Variants in FILIP1 observed in about 807,000 individuals in gnomAD.
FILIP1 encodes the protein filamin-A-interacting protein 1.
In FILIP1, 61 loss-of-function variants were observed where a neutral mutation model predicts 102.1. The observed-to-expected ratio is 0.60, with a 90% CI of 0.49 to 0.74. The LOEUF (loss-of-function observed/expected upper bound fraction) is 0.74, where lower values mean the gene tolerates loss of function less well. FILIP1 is among the 30% of genes least tolerant of loss of function. The pLI is 0.00. For missense variants in FILIP1, 1,314 were observed against 1,441.2 expected (o/e 0.91, Z 1.43); for synonymous variants, 491 against 526.9 (o/e 0.93, Z 0.93).
intron 2 of FILIP1, among the ~76,000 whole-genome samples, chr6:75,373,190 C>A (rs1258629791): frequency 6.6e-6 from 1 of 152,118 alleles, no homozygotes; most frequent in Non-Finnish European, 1.5e-5. Flanking sequence ...TACAAAAGGA[C>A]AAATGCTGTA....
chr6:75,424,515 T>G (rs1777570545), intron 1 of FILIP1, among the ~76,000 whole-genome samples: 2 of 152,134 alleles, frequency 1.3e-5, no homozygotes, highest in Admixed American at 6.6e-5. Flanking sequence ...ATTGGAAAAG[T>G]CATTAAGACT....
At chr6:75,387,298 G>T (rs1776133175) in intron 2 of FILIP1, among the ~76,000 whole-genome samples, 1 of 151,836 alleles carries the variant, frequency 6.6e-6, no homozygotes, top group Non-Finnish European at 1.5e-5. Flanking sequence ...TTCAAAGTTT[G>T]CTATTTTTTT....
At position 75,318,892 on chromosome 6, in the gene FILIP1, C is replaced by CA. The variant is rs372504070; in HGVS notation, c.630-3691dup. 1.3e-3 allele frequency among the ~76,000 whole-genome samples: 187 copies of CA among 143,310 alleles called. 1 individual carries two copies. Among genetic ancestry groups the CA allele is most frequent in the South Asian group, 9.5e-3 (43 of 4,514 alleles). 94.0% of individuals were successfully genotyped at this position (143,310 alleles called of 152,430 possible). On this transcript the variant is annotated intron_variant, in intron 4 of 5. Transcript: ENST00000237172. Reference sequence around the variant, plus strand: ...CACACTCTGTAGAGTGTTAACTATACAAAAAAAAAAGACACTGTACAGTTT... The same window carrying CA: ...CACACTCTGTAGAGTGTTAACTATACAAAAAAAAAAAGACACTGTACAGTTT...
intron 2 of FILIP1, among the ~76,000 whole-genome samples, chr6:75,397,021 G>T (rs1003435615): frequency 8.2e-6 from 1 of 122,430 alleles, no homozygotes; most frequent in African/African-American, 3.0e-5. Flanking sequence ...ATTGTGGGGT[G>T]GGGGGAGGGG....
At chr6:75,457,834 A>G (rs1400951875) in intron 1 of FILIP1, among the ~76,000 whole-genome samples, 1 of 152,104 alleles carries the variant, frequency 6.6e-6, no homozygotes, top group African/African-American at 2.4e-5. Context: ...AATCTGATCT[A>G]ATGGAAGTCT....
chr6:75,385,278 A>G (rs978800712), intron 2 of FILIP1, among the ~76,000 whole-genome samples: 3 of 152,166 alleles, frequency 2.0e-5, no homozygotes, highest in African/African-American at 7.2e-5. Context: ...TCACATAGGA[A>G]TTAATTCATA....
At position 75,346,216 on chromosome 6, in the gene FILIP1, T is replaced by C. The variant is rs1483631944; in HGVS notation, c.629+7323A>G. Among the ~76,000 whole-genome samples, 3 of 152,130 alleles carry C rather than the reference T, an allele frequency of 2.0e-5. No individual in the cohort carries two copies. In the East Asian group the frequency reaches 5.8e-4, roughly 29 times the overall value. On this transcript the variant is annotated intron_variant, in intron 4 of 5. Coordinates refer to ENST00000237172, the MANE Select transcript of FILIP1 (RefSeq NM_015687.5). ...TTAAATTTTTTAAAAGAAAGGAAAA[T>C]GTGTTTGAGAAATATCTTCTATAGC... is the stretch of plus-strand genomic sequence containing the variant.
At chr6:75,424,438 T>C (rs1777569389) in intron 1 of FILIP1, among the ~76,000 whole-genome samples, 1 of 152,202 alleles carries the variant, frequency 6.6e-6, no homozygotes, top group Admixed American at 6.5e-5. Context: ...TACTCCTCAA[T>C]ACTTGAGGTT....
intron 4 of FILIP1, among the ~76,000 whole-genome samples, chr6:75,320,533 C>T (rs1411183973): frequency 6.6e-6 from 1 of 152,086 alleles, no homozygotes; most frequent in Admixed American, 6.6e-5. Context: ...GCCGAGATCA[C>T]ATCACTGCAC....
intron 2 of FILIP1, among the ~76,000 whole-genome samples, chr6:75,410,787 C>A (rs1363264853): frequency 6.6e-6 from 1 of 152,142 alleles, no homozygotes; most frequent in East Asian, 1.9e-4. Context: ...TTTTCTTTAT[C>A]CAGTCTAACA....
intron 2 of FILIP1, among the ~76,000 whole-genome samples, chr6:75,369,370 T>C (rs1775443812): frequency 6.6e-6 from 1 of 152,212 alleles, no homozygotes; most frequent in Non-Finnish European, 1.5e-5. Flanking sequence ...GGTCACCCTA[T>C]GACAAACACC....
chr6:75,372,659 AAGAAAGAAAGAAAGAAAGAAAGAAAG>A (rs1775572051), intron 2 of FILIP1, among the ~76,000 whole-genome samples: 1 of 68,126 alleles, frequency 1.5e-5, no homozygotes, highest in Non-Finnish European at 2.8e-5. Context: ...GAAAGAAAGA[AAGAAAGAAAGAAAGAAAGAAAGAAAG>A]AGAAAGAAAG....
At chr6:75,448,175 A>G (rs1778501934) in intron 1 of FILIP1, among the ~76,000 whole-genome samples, 2 of 152,112 alleles carry the variant, frequency 1.3e-5, no homozygotes, top group South Asian at 4.1e-4. Context: ...TGGGTGGTAA[A>G]CACACAGCAT....
At chr6:75,416,699 G>C (rs543495348) in intron 1 of FILIP1, among the ~76,000 whole-genome samples, 1 of 151,766 alleles carries the variant, frequency 6.6e-6, no homozygotes, top group Admixed American at 6.6e-5. Context: ...GATTCTGTAC[G>C]ACTTCATACC....
chr6:75,345,872 C>G (rs768580068), intron 4 of FILIP1, among the ~76,000 whole-genome samples: 1 of 152,122 alleles, frequency 6.6e-6, no homozygotes, highest in African/African-American at 2.4e-5. Flanking sequence ...GGTATTTACC[C>G]CAGACAGCAA....
chr6:75,309,847 A>G (rs1773119013), intron 5 of FILIP1, among the ~76,000 whole-genome samples: 1 of 152,150 alleles, frequency 6.6e-6, no homozygotes, highest in Admixed American at 6.5e-5. Context: ...TTTCACTACC[A>G]TAGTTCAAGC....
intron 1 of FILIP1, among the ~76,000 whole-genome samples, chr6:75,480,413 T>TA (rs975412285): frequency 6.6e-6 from 1 of 151,986 alleles, no homozygotes. Flanking sequence ...TAAAATTCTT[T>TA]TTTTTTTTTA....
chr6:75,294,864 T>C (rs34539911), exon 7 of FILIP1: 1 of 93,302 alleles, frequency 1.1e-5, no homozygotes, highest in African/African-American at 5.4e-5. Flanking sequence ...AGCTAACTTC[T>C]TTTTTTTTTT....
intron 2 of FILIP1, among the ~76,000 whole-genome samples, chr6:75,410,386 T>A (rs1777022949): frequency 6.6e-6 from 1 of 151,566 alleles, no homozygotes; most frequent in Non-Finnish European, 1.5e-5. Flanking sequence ...ACTTCCACAT[T>A]TTTTTTGAGA....
Sources: gnomAD v4.1 joint callset for allele counts (sites outside exome capture counted in the v4.1 genomes callset) on GRCh38, gnomAD v4.1.1 for gene constraint, MANE v1.5 for transcripts, NCBI Gene and HGNC (gene_info 2026-07-23, HGNC 2026-07-21) for gene names.